The following ATP6V0A4 variants were observed in gnomAD, a reference collection of about 807,000 sequenced individuals.
ATP6V0A4 encodes V-type proton ATPase 116 kDa subunit a 4.
ATP6V0A4 carries 86 observed loss-of-function variants against 107.3 expected under a neutral mutation model. That is an observed-to-expected ratio of 0.80 (90% confidence interval 0.67 to 0.96). The LOEUF is 0.96. Among genes scored for constraint, ATP6V0A4 ranks in the 40% least tolerant of loss-of-function variants. ATP6V0A4 has a pLI of 0.00. For missense variants in ATP6V0A4, 908 were observed against 1,045.6 expected, an observed-to-expected ratio of 0.87 and a Z score of 1.81; for synonymous variants, 353 against 381.4, an observed-to-expected ratio of 0.93 and a Z score of 0.87.
At chr7:138,789,334 G>A (rs1230805728) in intron 1 of ATP6V0A4, among the ~76,000 whole-genome samples, 1 of 151,812 alleles carries the variant, frequency 6.6e-6, no homozygotes, top group Non-Finnish European at 1.5e-5. Flanking sequence ...TGCAAACTCT[G>A]CCTCCTGGGT....
intron 17 of ATP6V0A4, chr7:138,729,064 C>T (rs1459070522): frequency 1.2e-5 from 8 of 665,038 alleles, no homozygotes; most frequent in African/African-American, 2.0e-5. Context: ...TCCAAATGTT[C>T]GACACGGGGT....
At chr7:138,759,707 C>T in intron 8 of ATP6V0A4, 45 bp downstream of exon 8, 2 of 1,603,140 alleles carry the variant, frequency 1.2e-6, no homozygotes, top group Non-Finnish European at 8.5e-7. Context: ...CTGCTGAGGG[C>T]TATGGGAAGT....
chr7:138,723,745 C>T (rs543161733), intron 18 of ATP6V0A4, among the ~76,000 whole-genome samples: 23 of 151,776 alleles, frequency 1.5e-4, no homozygotes, highest in African/African-American at 4.8e-4. Context: ...AGGGTGATCT[C>T]GAACTCCTGA....
intron 2 of ATP6V0A4, among the ~76,000 whole-genome samples, chr7:138,783,143 G>C (rs1270949750): frequency 6.6e-6 from 1 of 152,154 alleles, no homozygotes; most frequent in African/African-American, 2.4e-5. Flanking sequence ...AGAGAAAGGA[G>C]GGAGCAGGGC....
chr7:138,797,856 G>A, intron 1 of ATP6V0A4, 178 bp downstream of exon 1: 1 of 760,682 alleles, frequency 1.3e-6, no homozygotes, highest in Non-Finnish European at 2.1e-6. Flanking sequence ...GAAGGGCACA[G>A]CTTGCCCCTC....
intron 2 of ATP6V0A4, among the ~76,000 whole-genome samples, chr7:138,785,010 T>C (rs548384092): frequency 6.6e-6 from 1 of 152,310 alleles, no homozygotes; most frequent in East Asian, 1.9e-4. Flanking sequence ...TAGGAAAATA[T>C]TGCACACAAT....
At chr7:138,720,024 CA>C (rs35453846) in intron 19 of ATP6V0A4, among the ~76,000 whole-genome samples, 47 of 135,706 alleles carry the variant, frequency 3.5e-4, no homozygotes, top group Admixed American at 4.5e-4. Flanking sequence ...GACTCTGTCT[CA>C]AAAAAAAAAA....
At chr7:138,734,856 A>C (rs1204858487) in intron 15 of ATP6V0A4, among the ~76,000 whole-genome samples, 2 of 151,978 alleles carry the variant, frequency 1.3e-5, no homozygotes, top group South Asian at 4.2e-4. Context: ...CAGTTTCCTT[A>C]ATCATGGCCT....
At chr7:138,770,127 C>G (rs1253677827) in intron 3 of ATP6V0A4, among the ~76,000 whole-genome samples, 1 of 151,556 alleles carries the variant, frequency 6.6e-6, no homozygotes, top group Non-Finnish European at 1.5e-5. Context: ...TAACAGTGTC[C>G]TTTCACTTTC....
At position 138,787,535 on chromosome 7, in the gene ATP6V0A4, C is replaced by T. The variant is rs117190462; in HGVS notation, c.-120-1275G>A. On this transcript the variant is annotated intron_variant, in intron 1 of 21. Transcript: ENST00000310018. The stretch of plus-strand genomic sequence containing the variant: ...GGCATGGTGGTGCATACCTGTAGCC[C>T]GAGCTACTAAGGAGGCTGAGGTGGG... Among the ~76,000 whole-genome samples, 197 of 152,116 alleles carry T rather than the reference C, an allele frequency of 1.3e-3. 1 individual carries two copies. The highest frequency in any genetic ancestry group is 3.9e-3 in the African/African-American group (161 of 41,490).
At chr7:138,720,522 G>A (rs1804375658) in intron 19 of ATP6V0A4, among the ~76,000 whole-genome samples, 1 of 152,142 alleles carries the variant, frequency 6.6e-6, no homozygotes. Context: ...AAACATTCCA[G>A]CAAGTCTGAC....
chr7:138,711,951 G>A (rs1003170888), intron 20 of ATP6V0A4, among the ~76,000 whole-genome samples: 4 of 151,634 alleles, frequency 2.6e-5, no homozygotes, highest in African/African-American at 7.3e-5. Context: ...TTCCTTTTTC[G>A]AGACAGAGTC....
chr7:138,797,878 C>T, intron 1 of ATP6V0A4, 156 bp downstream of exon 1: 2 of 1,058,158 alleles, frequency 1.9e-6, no homozygotes, highest in Non-Finnish European at 2.7e-6. Flanking sequence ...CTTCCTTCCT[C>T]AGCCAACGGT....
intron 8 of ATP6V0A4, 60 bp downstream of exon 8, chr7:138,759,692 C>G: frequency 6.3e-7 from 1 of 1,577,598 alleles, no homozygotes; most frequent in Non-Finnish European, 8.7e-7. Flanking sequence ...GAGAACGAAG[C>G]GCTTCTGCTG....
intron 2 of ATP6V0A4, among the ~76,000 whole-genome samples, chr7:138,774,331 C>T (rs1205041435): frequency 2.0e-5 from 3 of 151,378 alleles, no homozygotes; most frequent in African/African-American, 7.4e-5. Context: ...GTAATTCCAG[C>T]ACTTTGGGAG....
In ATP6V0A4 at chr7:138,707,310, TTATTTA is replaced by T. The variant is rs71179727; in HGVS notation, c.2430-599_2430-594del. ...AATTATATTATAAATATATTTATAT[TTATTTA>T]TATTTATATTTATATTTATAATATA... On this transcript the variant is annotated intron_variant, in intron 21 of 21. Coordinates refer to ENST00000310018, the MANE Select transcript of ATP6V0A4 (RefSeq NM_020632.3). Among the ~76,000 whole-genome samples the T allele has an allele frequency of 5.5e-3, 489 of 88,910 alleles. 8 individuals are homozygous for T. The highest frequency in any genetic ancestry group is 0.022 in the African/African-American group (449 of 20,404). The allele number at this position is 88,910 out of a possible 152,430, so 58.3% of individuals were successfully genotyped here. A position where few individuals can be genotyped will look rare whatever the true frequency, so the allele number is the denominator to read the frequency against.
intron 2 of ATP6V0A4, among the ~76,000 whole-genome samples, chr7:138,784,235 C>CGT: frequency 1.1e-5 from 1 of 91,036 alleles, no homozygotes; most frequent in African/African-American, 6.6e-5. Flanking sequence ...TATATATATA[C>CGT]GTATATATAT....
chr7:138,791,831 G>A (rs925702398), intron 1 of ATP6V0A4, among the ~76,000 whole-genome samples: 29 of 152,098 alleles, frequency 1.9e-4, no homozygotes, highest in African/African-American at 7.0e-4. Flanking sequence ...CAAAGAGAAG[G>A]AAAATGATCA....
At chr7:138,717,823 G>T (rs1584892336) in intron 19 of ATP6V0A4, among the ~76,000 whole-genome samples, 1 of 146,018 alleles carries the variant, frequency 6.8e-6, no homozygotes, top group South Asian at 2.2e-4. Flanking sequence ...CAGGAGAATC[G>T]CTTGAACCCG....
Sources: gnomAD v4.1 joint callset for allele counts (sites outside exome capture counted in the v4.1 genomes callset) on GRCh38, gnomAD v4.1.1 for gene constraint, MANE v1.5 for transcripts, NCBI Gene and HGNC (gene_info 2026-07-23, HGNC 2026-07-21) for gene names.